The following NAMPT variants were observed in gnomAD, a reference collection of about 807,000 sequenced individuals.
NAMPT encodes nicotinamide phosphoribosyltransferase.
In NAMPT, 7 loss-of-function variants were observed where a neutral mutation model predicts 58.7. The observed-to-expected ratio is 0.12, with a 90% CI of 0.07 to 0.22. The LOEUF is 0.22. Ranked by LOEUF, NAMPT falls within the 10% of genes least tolerant of loss-of-function variation. NAMPT has a pLI of 1.00. For missense variants in NAMPT, 271 were observed against 567.9 expected (o/e 0.48, Z 5.31); for synonymous variants, 145 against 198.1 (o/e 0.73, Z 2.25).
chr7:106,258,439 CAG>C (rs1423944024), intron 8 of NAMPT, among the ~76,000 whole-genome samples: 1 of 152,138 alleles, frequency 6.6e-6, no homozygotes, highest in Non-Finnish European at 1.5e-5. Context: ...ATCAAAATGT[CAG>C]TGGTTTCTGA....
rs1792771930 is a variant in NAMPT, at chr7:106,281,837, G to C, written c.57+2991C>G. Among the ~76,000 whole-genome samples the C allele has an allele frequency of 1.3e-5, 2 of 152,228 alleles. 1 individual carries two copies. Among genetic ancestry groups the C allele is most frequent in the South Asian group, 4.1e-4 (2 of 4,822 alleles). ...CTTCCCTTAAAACCTCTTGCATGGA[G>C]TTTCTAATGACTTGTATCTCTTTTG... On this transcript the variant is annotated intron_variant, in intron 1 of 10. Transcript: ENST00000222553.
chr7:106,266,866 A>AT (rs1456406844), intron 6 of NAMPT, among the ~76,000 whole-genome samples: 1 of 152,176 alleles, frequency 6.6e-6, no homozygotes. Flanking sequence ...AAAATGCCTG[A>AT]TTTAGAATAG....
At position 106,248,582 on chromosome 7, in the gene NAMPT, A is replaced by G. The variant is rs1792056224; in HGVS notation, c.*2501T>C. On this transcript the variant is annotated 3_prime_UTR_variant, in exon 11 of 11. Transcript: ENST00000222553. ...AAGGGAAAACAAGGGATACTCATAA[A>G]AAACATTTTACTTTAATTATAGGGT... 1 of 152,190 alleles carries G rather than the reference A, an allele frequency of 6.6e-6. No homozygotes were observed. The highest frequency in any genetic ancestry group is 1.5e-5 in the Non-Finnish European group (1 of 67,980). The allele number at this position is 152,190 out of a possible 1,614,324, so 9.4% of individuals were successfully genotyped here.
In NAMPT at chr7:106,268,455, A is replaced by AT. The variant is rs1792471020; in HGVS notation, c.743+8dup. On this transcript the variant is annotated intron_variant, in intron 6 of 10. Coordinates refer to ENST00000222553, the MANE Select transcript of NAMPT (RefSeq NM_005746.3). ...TTAGTAGTTTTAAAAAATGAACAGAATTTTTTACCTGTGTTCTGCTGCTGG... is the reference window on the plus strand; with the variant it reads ...TTAGTAGTTTTAAAAAATGAACAGAATTTTTTTACCTGTGTTCTGCTGCTGG... The AT allele has an allele frequency of 4.4e-6, 7 of 1,592,002 alleles. No homozygotes were observed. Among genetic ancestry groups the AT allele is most frequent in the African/African-American group, 2.7e-5 (2 of 73,470 alleles).
At chr7:106,270,040 T>C (rs1792501876) in intron 4 of NAMPT, among the ~76,000 whole-genome samples, 1 of 152,218 alleles carries the variant, frequency 6.6e-6, no homozygotes, top group Non-Finnish European at 1.5e-5. Context: ...AAGGTCACTG[T>C]CTACTTTGTA....
intron 4 of NAMPT, 132 bp from the exon 5 acceptor site, chr7:106,269,444 G>A (rs2072457): frequency 0.24 from 186,481 of 769,894 alleles, 25,054 homozygotes; most frequent in East Asian, 0.51. Flanking sequence ...ACAGAACTGC[G>A]CAGCAGGATG....
chr7:106,281,348 T>G (rs972687453), intron 1 of NAMPT, among the ~76,000 whole-genome samples: 6 of 152,188 alleles, frequency 3.9e-5, no homozygotes, highest in Non-Finnish European at 7.3e-5. Flanking sequence ...TAGGGTTGAT[T>G]TGAAGATCTT....
intron 8 of NAMPT, among the ~76,000 whole-genome samples, chr7:106,255,692 T>A (rs1792186810): frequency 6.6e-6 from 1 of 152,222 alleles, no homozygotes; most frequent in Non-Finnish European, 1.5e-5. Context: ...GTGATTCTTT[T>A]AGGATGCACG....
chr7:106,275,268 T>A, intron 2 of NAMPT: 1 of 320,888 alleles, frequency 3.1e-6, no homozygotes. Flanking sequence ...TAAAAGCAGA[T>A]GTGTAATAGA....
intron 8 of NAMPT, among the ~76,000 whole-genome samples, chr7:106,258,798 G>C (rs1411306532): frequency 2.0e-5 from 3 of 152,170 alleles, no homozygotes; most frequent in Non-Finnish European, 4.4e-5. Flanking sequence ...CTTTTTGTTG[G>C]TGGAGGGTCT....
intron 1 of NAMPT, among the ~76,000 whole-genome samples, chr7:106,283,487 T>C (rs1457214521): frequency 1.3e-5 from 2 of 151,936 alleles, no homozygotes. Context: ...AAGAAAAAAA[T>C]TCTACAAAAC....
In NAMPT at chr7:106,248,729, A is replaced by G. The variant is rs1052660523; in HGVS notation, c.*2354T>C. 2.0e-5 allele frequency: 3 copies of G among 152,124 alleles called. No individual in the cohort carries two copies. Among genetic ancestry groups the G allele is most frequent in the Admixed American group, 1.3e-4 (2 of 15,250 alleles). The allele number at this position is 152,124 out of a possible 1,614,324, so 9.4% of individuals were successfully genotyped here. On this transcript the variant is annotated 3_prime_UTR_variant, in exon 11 of 11. Coordinates refer to ENST00000222553, the MANE Select transcript of NAMPT (RefSeq NM_005746.3). ...AAAATCTAATGACTTAAATCCATAA[A>G]TGCCATTTGCTTTTGTCTGGAAGAT... is the stretch of plus-strand genomic sequence containing the variant.
At chr7:106,281,997 T>C (rs536533027) in intron 1 of NAMPT, among the ~76,000 whole-genome samples, 2 of 152,240 alleles carry the variant, frequency 1.3e-5, no homozygotes, top group African/African-American at 4.8e-5. Flanking sequence ...TTTTCCTATA[T>C]AACAAAACAT....
intron 4 of NAMPT, among the ~76,000 whole-genome samples, chr7:106,270,886 C>T (rs1013385688): frequency 1.3e-5 from 2 of 152,190 alleles, no homozygotes; most frequent in African/African-American, 4.8e-5. Flanking sequence ...TGCTTTAAGC[C>T]ATTAAGTTTT....
intron 7 of NAMPT, among the ~76,000 whole-genome samples, chr7:106,262,340 T>C (rs572036689): frequency 7.8e-4 from 118 of 152,210 alleles, no homozygotes; most frequent in African/African-American, 2.6e-3. Flanking sequence ...ACAAAAGAAA[T>C]ACATTCTCTT....
intron 8 of NAMPT, among the ~76,000 whole-genome samples, chr7:106,256,589 C>T (rs1792203272): frequency 6.6e-6 from 1 of 152,132 alleles, no homozygotes; most frequent in Non-Finnish European, 1.5e-5. Context: ...AACAACGGTG[C>T]AAAAGTGATT....
intron 4 of NAMPT, chr7:106,272,078 G>A: frequency 2.6e-6 from 1 of 378,270 alleles, no homozygotes. Flanking sequence ...AAACTGAAAA[G>A]TAACAGATGG....
intron 8 of NAMPT, among the ~76,000 whole-genome samples, chr7:106,259,541 CAGCCTCCTG>C (rs1163411994): frequency 6.6e-6 from 1 of 152,144 alleles, no homozygotes; most frequent in Non-Finnish European, 1.5e-5. Flanking sequence ...TCTCCTGCCT[CAGCCTCCTG>C]AGTAGCTGGG....
intron 4 of NAMPT, among the ~76,000 whole-genome samples, chr7:106,270,851 C>T (rs1487074005): frequency 6.6e-6 from 1 of 152,182 alleles, no homozygotes; most frequent in Non-Finnish European, 1.5e-5. Flanking sequence ...ATCCAGTCAA[C>T]CACAGAATCA....
Sources: allele counts gnomAD v4.1 joint callset (sites outside exome capture counted in the v4.1 genomes callset), GRCh38; gene constraint gnomAD v4.1.1; transcripts MANE v1.5; gene names NCBI Gene and HGNC (gene_info 2026-07-23, HGNC 2026-07-21).